FAM120C: variants seen among roughly 807,000 people sequenced by gnomAD.
FAM120C encodes constitutive coactivator of PPAR-gamma-like protein 2.
Under a neutral mutation model 71.2 loss-of-function variants are expected in FAM120C, and 14 were observed. The ratio of observed to expected loss-of-function variants is 0.20; its 90% CI spans 0.13 to 0.31. FAM120C has a LOEUF of 0.31. FAM120C is among the 10% of genes least tolerant of loss of function. FAM120C has a pLI of 1.00. For missense variants in FAM120C, 500 were observed against 879.0 expected, an observed-to-expected ratio of 0.57 and a Z score of 5.45; for synonymous variants, 354 against 353.2, an observed-to-expected ratio of 1.00 and a Z score of -0.03.
chrX:54,117,398 A>C (rs782229002), intron 9 of FAM120C, among the ~76,000 whole-genome samples: 19 of 104,581 alleles, frequency 1.8e-4, no homozygotes, highest in African/African-American at 5.9e-4. Flanking sequence ...ATAAAATAAA[A>C]TAAAATAAAA....
At chrX:54,131,495 A>G (rs1557129301) in intron 9 of FAM120C, among the ~76,000 whole-genome samples, 1 of 106,567 alleles carries the variant, frequency 9.4e-6, no homozygotes, top group Non-Finnish European at 1.9e-5. Context: ...CTGGAGTGCA[A>G]TGGCACGATC....
intron 4 of FAM120C, among the ~76,000 whole-genome samples, chrX:54,139,225 A>AC (rs2067110401): frequency 9.0e-6 from 1 of 111,598 alleles, no homozygotes; most frequent in Non-Finnish European, 1.9e-5. Context: ...ATGAATGTAC[A>AC]AGAGTGTCCC....
chrX:54,113,546 T>A (rs2066949841), intron 10 of FAM120C, among the ~76,000 whole-genome samples: 1 of 109,915 alleles, frequency 9.1e-6, no homozygotes, highest in Middle Eastern at 4.7e-3. Context: ...GCAAAAGAAA[T>A]AAGAGTAAAC....
chrX:54,183,178 T>C lies in FAM120C; in HGVS notation c.21A>G (p.Gln7=). 1 of 1,134,883 alleles carries C rather than the reference T, an allele frequency of 8.8e-7. No homozygotes were observed. 93.5% of individuals were successfully genotyped at this position (1,134,883 alleles called of 1,213,427 possible). A position where few individuals can be genotyped will look rare whatever the true frequency, so the allele number is the denominator to read the frequency against. MGVQGF[Q]EFLEKRCPGA... ...CGGGACAGCGCTTCTCCAGGAACTC[T>C]TGGAAGCCCTGGACACCCATGCTTC... Residue 7 remains glutamine, a synonymous_variant, in exon 1 of 16, where the codon CAA becomes CAG. Coordinates refer to ENST00000375180, the MANE Select transcript of FAM120C (RefSeq NM_017848.6).
At chrX:54,097,723 T>C (rs2066859342) in intron 10 of FAM120C, among the ~76,000 whole-genome samples, 1 of 111,556 alleles carries the variant, frequency 9.0e-6, no homozygotes, top group African/African-American at 3.3e-5. Flanking sequence ...TCTTTATTTA[T>C]TTTTATTTAT....
chrX:54,147,578 CCATGAATTCAGG>C, intron 4 of FAM120C: 1 of 115,833 alleles, frequency 8.6e-6, no homozygotes, highest in Non-Finnish European at 1.8e-5. Context: ...AAATTGTACA[CCATGAATTCAGG>C]CATGGACTCT....
At position 54,157,801 on chromosome X, in the gene FAM120C, G is replaced by C. The variant is rs370417643; in HGVS notation, c.947-30C>G. 4.4e-4 allele frequency: 469 copies of C among 1,063,580 alleles called. 1 individual carries two copies. Among genetic ancestry groups the C allele is most frequent in the Non-Finnish European group, 5.5e-4 (426 of 768,603 alleles). 87.7% of individuals were successfully genotyped at this position (1,063,580 alleles called of 1,213,427 possible). A position where few individuals can be genotyped will look rare whatever the true frequency, so the allele number is the denominator to read the frequency against. ...AAAGTACATTTGTCATTCATTGACTGTACAAATGTTTTCTTAGAACCTCCA... is the reference window on the plus strand; with the variant it reads ...AAAGTACATTTGTCATTCATTGACTCTACAAATGTTTTCTTAGAACCTCCA... On this transcript the variant is annotated intron_variant, in intron 2 of 15. Coordinates refer to ENST00000375180, the MANE Select transcript of FAM120C (RefSeq NM_017848.6).
intron 15 of FAM120C, among the ~76,000 whole-genome samples, chrX:54,079,464 GAA>G (rs1557121059): frequency 9.2e-6 from 1 of 109,207 alleles, no homozygotes; most frequent in African/African-American, 3.3e-5. Flanking sequence ...GAGAGAGAGA[GAA>G]AGAAGAGAGA....
At chrX:54,134,380 A>G (rs782727897) in intron 7 of FAM120C, among the ~76,000 whole-genome samples, 1 of 112,629 alleles carries the variant, frequency 8.9e-6, no homozygotes, top group Non-Finnish European at 1.9e-5. Context: ...TAATCTGCTT[A>G]GAGGAATAAT....
chrX:54,088,040 G>T, intron 11 of FAM120C, 76 bp from the exon 12 acceptor site: 1 of 867,913 alleles, frequency 1.2e-6, no homozygotes, highest in Non-Finnish European at 1.6e-6. Context: ...TTCCTGTCAT[G>T]CTGATTCTTC....
At chrX:54,113,747 G>GAA (rs1267430178) in intron 10 of FAM120C, among the ~76,000 whole-genome samples, 2 of 95,079 alleles carry the variant, frequency 2.1e-5, no homozygotes, top group African/African-American at 7.6e-5. Context: ...CGTCTCTACT[G>GAA]AAAAAAAAAA....
At chrX:54,074,314 TCTTAA>T (rs1301164176) in intron 15 of FAM120C, among the ~76,000 whole-genome samples, 1 of 112,027 alleles carries the variant, frequency 8.9e-6, no homozygotes, top group Non-Finnish European at 1.9e-5. Context: ...AAGTCTGTTC[TCTTAA>T]CTGCCATGCA....
intron 4 of FAM120C, among the ~76,000 whole-genome samples, chrX:54,146,532 T>G (rs1255699221): frequency 9.1e-6 from 1 of 110,362 alleles, no homozygotes; most frequent in Non-Finnish European, 1.9e-5. Context: ...AATTTAAAAA[T>G]TAGCCAGGCA....
chrX:54,182,021 G>A (rs888337218), intron 1 of FAM120C, among the ~76,000 whole-genome samples: 2 of 111,815 alleles, frequency 1.8e-5, no homozygotes, highest in Non-Finnish European at 3.8e-5. Flanking sequence ...GCAGCAGTGG[G>A]TGAAGACGGA....
rs980020526 is a variant in FAM120C, at chrX:54,105,268, A to G, written c.2312+11277T>C. ...GCTGGTTCAATATACACAAATCAAT[A>G]AAAGTAATCCATCACATAAACAGAA... On this transcript the variant is annotated intron_variant, in intron 10 of 15. Coordinates refer to ENST00000375180, the MANE Select transcript of FAM120C (RefSeq NM_017848.6). Among the ~76,000 whole-genome samples, 5 of 112,010 alleles carry G rather than the reference A, an allele frequency of 4.5e-5. No individual in the cohort carries two copies. In the Admixed American group the frequency reaches 4.8e-4, roughly 11 times the overall value.
At chrX:54,107,047 G>A (rs781957905) in intron 10 of FAM120C, among the ~76,000 whole-genome samples, 13 of 110,821 alleles carry the variant, frequency 1.2e-4, no homozygotes, top group African/African-American at 3.6e-4. Context: ...TCCATGTAAC[G>A]TAGAGAACCA....
At chrX:54,082,350 T>C (rs1557121429) in intron 13 of FAM120C, among the ~76,000 whole-genome samples, 1 of 111,391 alleles carries the variant, frequency 9.0e-6, no homozygotes, top group Non-Finnish European at 1.9e-5. Flanking sequence ...CATTCAGTAT[T>C]TGTTGAAAGA....
chrX:54,146,236 A>T (rs782295360), intron 4 of FAM120C, among the ~76,000 whole-genome samples: 2 of 111,683 alleles, frequency 1.8e-5, no homozygotes, highest in South Asian at 7.6e-4. Flanking sequence ...CAGCACACCA[A>T]CATGGCACAT....
intron 1 of FAM120C, among the ~76,000 whole-genome samples, chrX:54,166,433 T>C (rs1011281984): frequency 6.2e-5 from 7 of 112,315 alleles, no homozygotes; most frequent in Non-Finnish European, 1.1e-4. Context: ...AGTGCCTAAG[T>C]GTGAGCAACT....
Sources: allele counts gnomAD v4.1 joint callset (sites outside exome capture counted in the v4.1 genomes callset), GRCh38; gene constraint gnomAD v4.1.1; transcripts MANE v1.5; gene names NCBI Gene and HGNC (gene_info 2026-07-23, HGNC 2026-07-21).